Variants in AMBRA1 observed in about 807,000 individuals in gnomAD.
The protein encoded by AMBRA1 is autophagy and beclin 1 regulator 1.
A neutral mutation model predicts 125.4 loss-of-function variants in AMBRA1; 47 were observed. The observed-to-expected ratio is 0.37, with a 90% CI of 0.30 to 0.48. The LOEUF is 0.48. Ranked by LOEUF, AMBRA1 falls within the 20% of genes least tolerant of loss-of-function variation. AMBRA1 has a pLI of 0.99. For missense variants in AMBRA1, 1,331 were observed against 1,693.4 expected (o/e 0.79, Z 3.76); for synonymous variants, 626 against 655.5 (o/e 0.95, Z 0.69).
intron 1 of AMBRA1, among the ~76,000 whole-genome samples, chr11:46,570,192 C>T (rs556325986): frequency 6.8e-6 from 1 of 146,246 alleles, no homozygotes; most frequent in Non-Finnish European, 1.5e-5. Flanking sequence ...AACCTGGGAG[C>T]CAGAGGTTGC....
intron 11 of AMBRA1, among the ~76,000 whole-genome samples, chr11:46,471,267 C>A (rs1338427303): frequency 6.6e-6 from 1 of 152,020 alleles, no homozygotes; most frequent in Non-Finnish European, 1.5e-5. Context: ...CATGGCAAAA[C>A]CCCACCTCTG....
At chr11:46,540,581 C>A (rs747877759) in intron 7 of AMBRA1, among the ~76,000 whole-genome samples, 10 of 152,164 alleles carry the variant, frequency 6.6e-5, no homozygotes, top group Admixed American at 2.6e-4. Flanking sequence ...ACCCAGGGCC[C>A]TTAGTAACTG....
chr11:46,441,695 A>G (rs1289607782), intron 12 of AMBRA1, among the ~76,000 whole-genome samples: 1 of 152,168 alleles, frequency 6.6e-6, no homozygotes, highest in Non-Finnish European at 1.5e-5. Context: ...GCTCACATCT[A>G]GAGTTTTCTA....
chr11:46,579,042 C>CAAAAA (rs1458414244), intron 1 of AMBRA1, among the ~76,000 whole-genome samples: 3 of 39,866 alleles, frequency 7.5e-5, no homozygotes, highest in Admixed American at 2.4e-4. Flanking sequence ...CACAAGAAAG[C>CAAAAA]AATAAAAAAA....
chr11:46,530,111 A>G (rs1385363199), intron 7 of AMBRA1, among the ~76,000 whole-genome samples: 1 of 152,220 alleles, frequency 6.6e-6, no homozygotes. Flanking sequence ...TACTCTGAAT[A>G]GATACAGTAG....
At chr11:46,400,419 C>T (rs1038284536) in intron 17 of AMBRA1, among the ~76,000 whole-genome samples, 2 of 143,630 alleles carry the variant, frequency 1.4e-5, no homozygotes, top group African/African-American at 5.2e-5. Flanking sequence ...CCCAAGAGAT[C>T]TCTCACCCTT....
intron 9 of AMBRA1, among the ~76,000 whole-genome samples, chr11:46,500,606 T>G (rs1031919572): frequency 1.1e-4 from 17 of 152,220 alleles, no homozygotes; most frequent in African/African-American, 4.1e-4. Context: ...AGTTCGGGGC[T>G]TTCTGATATC....
chr11:46,449,828 A>G (rs1259173086), intron 11 of AMBRA1, among the ~76,000 whole-genome samples: 1 of 152,206 alleles, frequency 6.6e-6, no homozygotes, highest in Admixed American at 6.5e-5. Context: ...TGGGAGGCCA[A>G]GGCAGGTGGA....
intron 1 of AMBRA1, among the ~76,000 whole-genome samples, chr11:46,579,569 C>T (rs906127928): frequency 6.6e-6 from 1 of 152,158 alleles, no homozygotes; most frequent in African/African-American, 2.4e-5. Flanking sequence ...TATCTTCATA[C>T]CCTCACCCTT....
At chr11:46,444,732 T>C (rs755480907) in intron 11 of AMBRA1, among the ~76,000 whole-genome samples, 10 of 152,192 alleles carry the variant, frequency 6.6e-5, no homozygotes, top group Non-Finnish European at 1.3e-4. Flanking sequence ...TTTTTTCTTT[T>C]AGAGAGCGGC....
intron 12 of AMBRA1, among the ~76,000 whole-genome samples, chr11:46,441,429 G>A (rs983506669): frequency 5.3e-5 from 8 of 152,044 alleles, no homozygotes; most frequent in African/African-American, 1.9e-4. Context: ...CGGGAGAATC[G>A]CATGAACCTG....
intron 14 of AMBRA1, among the ~76,000 whole-genome samples, chr11:46,427,094 CAAGGGCAGGG>C (rs140142328): frequency 0.042 from 6,326 of 152,152 alleles, 438 homozygotes; most frequent in African/African-American, 0.14. Flanking sequence ...AAGTTCAATT[CAAGGGCAGGG>C]AAGGAGAGAG....
chr11:46,464,821 C>G (rs1380362783), intron 11 of AMBRA1, among the ~76,000 whole-genome samples: 1 of 151,684 alleles, frequency 6.6e-6, no homozygotes, highest in Non-Finnish European at 1.5e-5. Flanking sequence ...CCAAGGCAGT[C>G]GGATCACGAG....
At chr11:46,535,766 A>G (rs980516381) in intron 7 of AMBRA1, among the ~76,000 whole-genome samples, 2 of 152,200 alleles carry the variant, frequency 1.3e-5, no homozygotes, top group Non-Finnish European at 2.9e-5. Flanking sequence ...GCTGTATTCA[A>G]TAGGAATGGG....
At chr11:46,465,586 C>A (rs1166472802) in intron 11 of AMBRA1, among the ~76,000 whole-genome samples, 4 of 152,030 alleles carry the variant, frequency 2.6e-5, no homozygotes, top group Non-Finnish European at 5.9e-5. Context: ...ACAGAGGAAG[C>A]CTCTCTAGGG....
intron 13 of AMBRA1, 112 bp downstream of exon 13, chr11:46,434,737 G>C (rs1027406816): frequency 4.4e-6 from 5 of 1,126,444 alleles, no homozygotes; most frequent in South Asian, 3.5e-5. Flanking sequence ...CCCCAGTGAA[G>C]GTAGGGGCAG....
intron 17 of AMBRA1, among the ~76,000 whole-genome samples, chr11:46,401,347 TCTC>T: frequency 6.6e-6 from 1 of 152,114 alleles, no homozygotes; most frequent in Non-Finnish European, 1.5e-5. Context: ...TTCATGCAAT[TCTC>T]CTGCCTCAGC....
At chr11:46,580,572 C>T (rs1186547313) in intron 1 of AMBRA1, among the ~76,000 whole-genome samples, 1 of 152,202 alleles carries the variant, frequency 6.6e-6, no homozygotes, top group Non-Finnish European at 1.5e-5. Context: ...TCATACTTGA[C>T]ACCTTCTTCT....
At chr11:46,586,441 T>C (rs2044403999) in intron 1 of AMBRA1, among the ~76,000 whole-genome samples, 2 of 152,234 alleles carry the variant, frequency 1.3e-5, no homozygotes, top group East Asian at 3.9e-4. Flanking sequence ...AAGATCCATC[T>C]TTTTACTTTT....
Sources: gnomAD v4.1 joint callset for allele counts (sites outside exome capture counted in the v4.1 genomes callset) on GRCh38, gnomAD v4.1.1 for gene constraint, MANE v1.5 for transcripts, NCBI Gene and HGNC (gene_info 2026-07-23, HGNC 2026-07-21) for gene names.